Variants in SMURF2 observed in about 807,000 individuals in gnomAD.
The protein encoded by SMURF2 is SMAD specific E3 ubiquitin protein ligase 2.
A neutral mutation model predicts 109.6 loss-of-function variants in SMURF2; 48 were observed. The ratio of observed to expected loss-of-function variants is 0.44; its 90% CI spans 0.35 to 0.56. The LOEUF (loss-of-function observed/expected upper bound fraction) is 0.56, where lower values mean the gene tolerates loss of function less well. Among genes scored for constraint, SMURF2 ranks in the 20% least tolerant of loss-of-function variants. The pLI is 0.01. For missense variants in SMURF2, 575 were observed against 909.0 expected, an observed-to-expected ratio of 0.63 and a Z score of 4.72; for synonymous variants, 288 against 317.1, an observed-to-expected ratio of 0.91 and a Z score of 0.97.
rs2144646475 is a variant in SMURF2, at chr17:64,586,634, C to G, written c.401-464G>C. Reference sequence around the variant, plus strand: ...GGCGTGGTGGTGGGCACCTGTAGTCCCAGCTTCTCGGGAGGCTGAGGCAGG... The same window carrying G: ...GGCGTGGTGGTGGGCACCTGTAGTCGCAGCTTCTCGGGAGGCTGAGGCAGG... On this transcript the variant is annotated intron_variant, in intron 5 of 18. Coordinates refer to ENST00000262435, the MANE Select transcript of SMURF2 (RefSeq NM_022739.4). Among the ~76,000 whole-genome samples the G allele has an allele frequency of 1.3e-5, 2 of 151,438 alleles. 1 individual carries two copies. Among genetic ancestry groups the G allele is most frequent in the South Asian group, 4.2e-4 (2 of 4,766 alleles).
chr17:64,661,725 A>G, intron 1 of SMURF2, 104 bp downstream of exon 1: 1 of 766,928 alleles, frequency 1.3e-6, no homozygotes, highest in South Asian at 6.3e-5. Context: ...TCCGACCCCC[A>G]ACTCATCATT....
chr17:64,593,860 TTAA>T (rs782165432), intron 3 of SMURF2: 5 of 198,704 alleles, frequency 2.5e-5, no homozygotes, highest in Admixed American at 5.9e-5. Context: ...AGGGAGTTTA[TTAA>T]ATAACTTCTT....
intron 1 of SMURF2, among the ~76,000 whole-genome samples, chr17:64,657,004 G>A (rs1349118130): frequency 6.6e-6 from 1 of 152,286 alleles, no homozygotes; most frequent in East Asian, 1.9e-4. Flanking sequence ...CATACCCAAT[G>A]CATTAGCCAT....
chr17:64,612,061 G>A (rs1310488577), intron 1 of SMURF2, among the ~76,000 whole-genome samples: 4 of 152,084 alleles, frequency 2.6e-5, no homozygotes, highest in African/African-American at 9.7e-5. Context: ...ATGCCTTTTA[G>A]AACATGTTTC....
rs9907623 is a variant in SMURF2 at position 64,661,987 on chromosome 17, T to C, written c.-107A>G. 1 of 1,104,824 alleles carries C rather than the reference T, an allele frequency of 9.1e-7. No homozygotes were observed. Among genetic ancestry groups the C allele is most frequent in the South Asian group, 4.3e-5 (1 of 23,098 alleles). The allele number at this position is 1,104,824 out of a possible 1,614,324, so 68.4% of individuals were successfully genotyped here. A position where few individuals can be genotyped will look rare whatever the true frequency, so the allele number is the denominator to read the frequency against. On this transcript the variant is annotated 5_prime_UTR_variant, in exon 1 of 19. Transcript: ENST00000262435. ...GGCTGGGGCCCGAGCAGCCGGCGCCTCGGCCGCCACGGCCGGAGGGTCCCG... is the reference window on the plus strand; with the variant it reads ...GGCTGGGGCCCGAGCAGCCGGCGCCCCGGCCGCCACGGCCGGAGGGTCCCG...
chr17:64,649,458 G>T (rs1207577230), intron 1 of SMURF2, among the ~76,000 whole-genome samples: 1 of 152,036 alleles, frequency 6.6e-6, no homozygotes, highest in Non-Finnish European at 1.5e-5. Flanking sequence ...CAAACATTGG[G>T]GGATGGAAGG....
chr17:64,653,718 T>C (rs952276415), intron 1 of SMURF2, among the ~76,000 whole-genome samples: 2 of 152,220 alleles, frequency 1.3e-5, no homozygotes, highest in African/African-American at 4.8e-5. Flanking sequence ...AAAGTTAAAA[T>C]GCATACTTTC....
At chr17:64,653,753 T>G (rs1189927000) in intron 1 of SMURF2, among the ~76,000 whole-genome samples, 1 of 152,160 alleles carries the variant, frequency 6.6e-6, no homozygotes, top group Admixed American at 6.5e-5. Context: ...ATCCCACTCA[T>G]TTACCCAAGG....
At chr17:64,596,637 A>G (rs1969823357) in intron 3 of SMURF2, among the ~76,000 whole-genome samples, 1 of 151,544 alleles carries the variant, frequency 6.6e-6, no homozygotes, top group South Asian at 2.1e-4. Context: ...GAAGAGACAA[A>G]GGAAATTGCC....
Position 64,598,370 on chromosome 17 carries a change from G to C in SMURF2, c.200+12C>G. 2 of 1,546,344 alleles carry C rather than the reference G, an allele frequency of 1.3e-6. No individual in the cohort carries two copies. Among genetic ancestry groups the C allele is most frequent in the Non-Finnish European group, 1.8e-6 (2 of 1,138,576 alleles). On this transcript the variant is annotated intron_variant, in intron 3 of 18. Transcript: ENST00000262435. The stretch of plus-strand genomic sequence containing the variant: ...TGATATGTTCCATTTCAAACTAATT[G>C]TTGAAACCTACAGGTCATAATGCTG...
intron 1 of SMURF2, among the ~76,000 whole-genome samples, chr17:64,653,597 CA>C (rs1970667102): frequency 1.3e-5 from 2 of 152,172 alleles, no homozygotes; most frequent in South Asian, 4.1e-4. Flanking sequence ...ACTACAGGCA[CA>C]GGCCACACCC....
rs371313862 is a variant in SMURF2 at position 64,583,458 on chromosome 17, T to C, written c.569+3A>G. 2.4e-5 allele frequency: 39 copies of C among 1,610,582 alleles called. No individual in the cohort carries two copies. The highest frequency in any genetic ancestry group is 2.9e-5 in the Non-Finnish European group (34 of 1,176,818). Reference sequence around the variant, plus strand: ...TCATGAGAAAATATTTGTATGTTCTTACCGTGTTGGGCGCTCCCATTGCGT... The same window carrying C: ...TCATGAGAAAATATTTGTATGTTCTCACCGTGTTGGGCGCTCCCATTGCGT... On this transcript the variant is annotated splice_donor_region_variant and intron_variant, in intron 7 of 18. Transcript: ENST00000262435.
intron 12 of SMURF2, among the ~76,000 whole-genome samples, chr17:64,559,464 T>G (rs1201317595): frequency 1.3e-5 from 2 of 151,760 alleles, no homozygotes; most frequent in Admixed American, 1.3e-4. Context: ...CGTGGTTGTA[T>G]GCGCCTGTAG....
At chr17:64,555,778 G>A in intron 14 of SMURF2, 42 bp downstream of exon 14, 2 of 1,352,848 alleles carry the variant, frequency 1.5e-6, no homozygotes, top group Non-Finnish European at 2.0e-6. Flanking sequence ...TTTTTTTAAA[G>A]CTCAGAGTTT....
chr17:64,556,783 G>A (rs1406962297), intron 13 of SMURF2, among the ~76,000 whole-genome samples: 10 of 152,090 alleles, frequency 6.6e-5, no homozygotes, highest in African/African-American at 2.4e-4. Flanking sequence ...TTAGATGTTT[G>A]TATTTTTAAA....
At chr17:64,654,878 T>C (rs2144738161) in intron 1 of SMURF2, among the ~76,000 whole-genome samples, 1 of 152,150 alleles carries the variant, frequency 6.6e-6, no homozygotes, top group Non-Finnish European at 1.5e-5. Context: ...GGTCTCACTA[T>C]GTTGCCCAGG....
At chr17:64,611,098 C>A (rs1390918403) in intron 1 of SMURF2, among the ~76,000 whole-genome samples, 1 of 152,190 alleles carries the variant, frequency 6.6e-6, no homozygotes, top group African/African-American at 2.4e-5. Context: ...ACTTGAAGTT[C>A]TTCAGGGTTT....
At chr17:64,619,847 T>C (rs75559019) in intron 1 of SMURF2, among the ~76,000 whole-genome samples, 7,645 of 152,202 alleles carry the variant, frequency 0.05, 315 homozygotes, top group Admixed American at 0.14. Flanking sequence ...CATAGGAATA[T>C]TGGGGGACAC....
At chr17:64,661,498 G>A (rs1970775343) in intron 1 of SMURF2, among the ~76,000 whole-genome samples, 1 of 152,072 alleles carries the variant, frequency 6.6e-6, no homozygotes, top group African/African-American at 2.4e-5. Flanking sequence ...TCACCTGGGC[G>A]GTAGCCCAGG....
Sources: gnomAD v4.1 joint callset for allele counts (sites outside exome capture counted in the v4.1 genomes callset) on GRCh38, gnomAD v4.1.1 for gene constraint, MANE v1.5 for transcripts, NCBI Gene and HGNC (gene_info 2026-07-23, HGNC 2026-07-21) for gene names.